Variants in DLGAP4 observed in about 807,000 individuals in gnomAD.
DLGAP4 encodes the protein disks large-associated protein 4.
In DLGAP4, 18 loss-of-function variants were observed where a neutral mutation model predicts 86.9. That is an observed-to-expected ratio of 0.21 (90% CI 0.14 to 0.31). The LOEUF (loss-of-function observed/expected upper bound fraction) is 0.31, where lower values mean the gene tolerates loss of function less well. Among genes scored for constraint, DLGAP4 ranks in the 10% least tolerant of loss-of-function variants. The pLI is 1.00. For synonymous variants in DLGAP4, 548 were observed against 574.3 expected, an observed-to-expected ratio of 0.95 and a Z score of 0.65; for missense variants, 1,085 against 1,362.6, an observed-to-expected ratio of 0.80 and a Z score of 3.21.
At position 36,393,892 on chromosome 20, in the gene DLGAP4, G is replaced by A. The variant is rs576867060; in HGVS notation, c.-73+26617G>A. On this transcript the variant is annotated intron_variant, in intron 2 of 12. Transcript: ENST00000339266. This position sits in a 1 kb window ranked among gnomAD's most constrained non-coding sequence, Gnocchi z 4.4. ...GGCCAGCCCTGAGGCAGCTGAGGAG[G>A]GGGCTCAGGGACTCATCCCTCGCCT... Among the ~76,000 whole-genome samples the A allele has an allele frequency of 6.6e-6, 1 of 152,228 alleles. No individual in the cohort carries two copies. The highest frequency in any genetic ancestry group is 1.9e-4 in the East Asian group (1 of 5,176).
At chr20:36,519,129 A>AT (rs2037216002) in intron 10 of DLGAP4, among the ~76,000 whole-genome samples, 1 of 151,738 alleles carries the variant, frequency 6.6e-6, no homozygotes, top group Non-Finnish European at 1.5e-5. Context: ...AAAAAAAAAA[A>AT]TTAGCTGGGC....
intron 1 of DLGAP4, among the ~76,000 whole-genome samples, chr20:36,336,742 C>T (rs1364790594): frequency 6.6e-6 from 1 of 152,180 alleles, no homozygotes. Flanking sequence ...CTCCCCACTC[C>T]TCTGGTTTCC....
intron 1 of DLGAP4, among the ~76,000 whole-genome samples, chr20:36,365,829 C>T (rs1268029484): frequency 6.6e-6 from 1 of 152,176 alleles, no homozygotes; most frequent in East Asian, 1.9e-4. Flanking sequence ...TTATTCCTCC[C>T]ATCCCAGAGC....
At chr20:36,511,837 C>T (rs1345360443) in intron 10 of DLGAP4, among the ~76,000 whole-genome samples, 19 of 147,892 alleles carry the variant, frequency 1.3e-4, no homozygotes, top group African/African-American at 2.8e-4. Context: ...ATCATGCCAC[C>T]GCGCTCCAGC....
intron 7 of DLGAP4, among the ~76,000 whole-genome samples, chr20:36,465,541 G>T (rs2034312241): frequency 6.6e-6 from 1 of 152,170 alleles, no homozygotes; most frequent in Non-Finnish European, 1.5e-5. Context: ...CCCTGGGTCT[G>T]TTCCCATCTG....
chr20:36,351,750 G>A (rs948342011), intron 1 of DLGAP4, among the ~76,000 whole-genome samples: 1 of 152,192 alleles, frequency 6.6e-6, no homozygotes, highest in Admixed American at 6.5e-5. Context: ...AGCAGGGCAG[G>A]TGCAAGGTCA....
At chr20:36,343,042 AGAGAG>A (rs1328752120) in intron 1 of DLGAP4, among the ~76,000 whole-genome samples, 1 of 152,230 alleles carries the variant, frequency 6.6e-6, no homozygotes, top group East Asian at 1.9e-4. Flanking sequence ...AGAGGATGCT[AGAGAG>A]GAGCGGGGAC....
Position 36,432,246 on chromosome 20 carries a change from G to T in DLGAP4, c.529G>T (p.Gly177Cys). ...CAGCAAGAAGGGTGGCATGGAGGAC[G>T]GCAAGGGCCGGAGGGCCAAAAGCAA... ...NGSKKGGMED[G>C]KGRRAKSKER... is the part of the protein sequence containing the mutation. Residue 177 changes from glycine (G) to cysteine (C), a missense_variant, in exon 3 of 13, where the codon GGC becomes TGC. Physicochemically the swap from Gly to Cys is radical, Grantham distance 159. Coordinates refer to ENST00000339266, the MANE Select transcript of DLGAP4 (RefSeq NM_001365621.2). The surrounding 1 kb of genome is among the most constrained non-coding windows in gnomAD (Gnocchi z 6.5). The T allele has an allele frequency of 6.2e-7, 1 of 1,613,812 alleles. No homozygotes were observed. The highest frequency in any genetic ancestry group is 8.5e-7 in the Non-Finnish European group (1 of 1,179,900).
intron 8 of DLGAP4, chr20:36,499,283 C>T (rs1285014661): frequency 2.5e-6 from 4 of 1,613,720 alleles, no homozygotes; most frequent in Admixed American, 1.7e-5. Flanking sequence ...CGGAGGACAA[C>T]GGACCCAAAG....
At chr20:36,400,141 C>T (rs6017349) in intron 2 of DLGAP4, among the ~76,000 whole-genome samples, 11,325 of 152,254 alleles carry the variant, frequency 0.074, 1,432 homozygotes, top group African/African-American at 0.26. Flanking sequence ...GCTTGAAGTA[C>T]CTTTTTACCC....
intron 3 of DLGAP4, among the ~76,000 whole-genome samples, chr20:36,433,188 G>A (rs2033174504): frequency 6.6e-6 from 1 of 152,132 alleles, no homozygotes; most frequent in South Asian, 2.1e-4. Context: ...ATGGACAGAT[G>A]GACAATTAAA....
intron 2 of DLGAP4, among the ~76,000 whole-genome samples, chr20:36,384,330 C>T (rs6016911): frequency 1.3e-4 from 20 of 152,218 alleles, no homozygotes; most frequent in African/African-American, 4.3e-4. Flanking sequence ...TTCTGGGGAC[C>T]CAACTGGGAG....
At chr20:36,330,142 C>T (rs2065252908) in intron 1 of DLGAP4, among the ~76,000 whole-genome samples, 1 of 152,006 alleles carries the variant, frequency 6.6e-6, no homozygotes, top group Non-Finnish European at 1.5e-5. Flanking sequence ...CTACAGTGAA[C>T]ATATATTGCT....
At chr20:36,353,854 A>G (rs540305226) in intron 1 of DLGAP4, among the ~76,000 whole-genome samples, 4 of 152,378 alleles carry the variant, frequency 2.6e-5, no homozygotes, top group African/African-American at 9.6e-5. Context: ...TCTGTACAGA[A>G]TGTCCTGTGT....
chr20:36,307,706 G>A (rs1402425352), intron 1 of DLGAP4, among the ~76,000 whole-genome samples: 5 of 152,098 alleles, frequency 3.3e-5, no homozygotes, highest in African/African-American at 9.7e-5. Flanking sequence ...TCCAGCCCCC[G>A]GGGGACTGGC....
At chr20:36,390,543 C>T (rs140446839) in intron 2 of DLGAP4, among the ~76,000 whole-genome samples, 69 of 152,262 alleles carry the variant, frequency 4.5e-4, no homozygotes, top group African/African-American at 1.6e-3. Flanking sequence ...CTGTGACTTA[C>T]AGAGGCCCAG....
At chr20:36,495,361 G>C (rs1028861279) in intron 7 of DLGAP4, among the ~76,000 whole-genome samples, 11 of 152,068 alleles carry the variant, frequency 7.2e-5, no homozygotes, top group African/African-American at 2.7e-4. Flanking sequence ...TTTGTGAGTT[G>C]CCTCTGGGCT....
chr20:36,372,958 G>A (rs2031002256), intron 2 of DLGAP4, among the ~76,000 whole-genome samples: 1 of 152,164 alleles, frequency 6.6e-6, no homozygotes, highest in African/African-American at 2.4e-5. Context: ...AGGATTTGCA[G>A]GGAGGAACAG....
At chr20:36,506,361 T>TA (rs1187635281) in intron 10 of DLGAP4, among the ~76,000 whole-genome samples, 1 of 152,244 alleles carries the variant, frequency 6.6e-6, no homozygotes. Flanking sequence ...CCTTCCTGTC[T>TA]ACCTGGGAGG....
Sources: gnomAD v4.1 joint callset for allele counts (sites outside exome capture counted in the v4.1 genomes callset) on GRCh38, gnomAD v4.1.1 for gene constraint, Gnocchi (gnomAD v3.1) non-coding constraint, MANE v1.5 for transcripts, NCBI Gene and HGNC (gene_info 2026-07-23, HGNC 2026-07-21) for gene names.